The following BTD variants were observed in gnomAD, a reference collection of about 807,000 sequenced individuals.
BTD encodes biotinidase.
BTD carries 13 observed loss-of-function variants against 17.7 expected under a neutral mutation model. The observed-to-expected ratio is 0.74, with a 90% confidence interval of 0.48 to 1.17. The LOEUF is 1.17. Among genes scored for constraint, BTD ranks in the 50% most tolerant of loss-of-function variants. The probability of loss-of-function intolerance (pLI) is 0.00; values close to 1 mark genes in which losing one functional copy is unlikely to be tolerated. For missense variants in BTD, 674 were observed against 650.4 expected (o/e 1.04, Z -0.39); for synonymous variants, 240 against 245.2 (o/e 0.98, Z 0.20).
chr3:15,629,262 G>A (rs1304205962), intron 1 of BTD, among the ~76,000 whole-genome samples: 1 of 152,112 alleles, frequency 6.6e-6, no homozygotes, highest in East Asian at 1.9e-4. Context: ...GGTTCTCCAA[G>A]TGTGACTCAG....
intron 1 of BTD, among the ~76,000 whole-genome samples, chr3:15,634,973 T>C (rs2065304179): frequency 6.6e-6 from 1 of 152,102 alleles, no homozygotes; most frequent in South Asian, 2.1e-4. Flanking sequence ...GCTGTGTTAT[T>C]AGGGTCATGA....
chr3:15,614,184 C>T (rs2064723680), intron 1 of BTD, among the ~76,000 whole-genome samples: 1 of 149,816 alleles, frequency 6.7e-6, no homozygotes, highest in Admixed American at 6.7e-5. Flanking sequence ...AGTACAGTGG[C>T]ACAGCCGTAG....
intron 3 of BTD, among the ~76,000 whole-genome samples, chr3:15,661,293 A>AT (rs2065921748): frequency 2.6e-5 from 3 of 114,600 alleles, no homozygotes; most frequent in Non-Finnish European, 5.4e-5. Context: ...AAAAAAAAAA[A>AT]GAAAAAGAAA....
At chr3:15,636,715 A>G (rs1389765147) in intron 2 of BTD, among the ~76,000 whole-genome samples, 4 of 150,726 alleles carry the variant, frequency 2.7e-5, no homozygotes, top group Non-Finnish European at 5.9e-5. Context: ...AGCCACAGCA[A>G]TTAAAAAATT....
At chr3:15,696,199 C>T (rs1246994579) in intron 3 of BTD, 1 of 1,593,060 alleles carries the variant, frequency 6.3e-7, no homozygotes, top group South Asian at 1.1e-5. Flanking sequence ...CCTTGCTTAT[C>T]ACGGATCCCT....
At chr3:15,606,042 CAAAAAAAAAAA>C (rs11369757) in intron 1 of BTD, among the ~76,000 whole-genome samples, 4 of 64,954 alleles carry the variant, frequency 6.2e-5, no homozygotes, top group African/African-American at 1.2e-4. Context: ...GACCCTGTCT[CAAAAAAAAAAA>C]AAAAAAAAAA....
chr3:15,712,177 G>C (rs779215322), exon 4 of BTD: 2 of 1,585,210 alleles, frequency 1.3e-6, no homozygotes, highest in Non-Finnish European at 1.7e-6. Context: ...CTGAAAAGCC[G>C]CTTAAGGCTG....
chr3:15,688,982 T>G (rs2068470976), intron 3 of BTD, among the ~76,000 whole-genome samples: 1 of 152,222 alleles, frequency 6.6e-6, no homozygotes. Context: ...AAATAAATAC[T>G]GCATTGTTTT....
chr3:15,601,987 C>T, intron 1 of BTD, 93 bp downstream of exon 1: 1 of 1,568,016 alleles, frequency 6.4e-7, no homozygotes, highest in East Asian at 2.3e-5. Flanking sequence ...TTGGGGAGGG[C>T]TGCGCAAAGG....
chr3:15,636,562 A>G (rs1210763524), intron 2 of BTD, among the ~76,000 whole-genome samples: 1 of 152,174 alleles, frequency 6.6e-6, no homozygotes, highest in Non-Finnish European at 1.5e-5. Context: ...CAGCTGCTTG[A>G]GGAAGCCCTG....
exon 4 of BTD, chr3:15,712,298 G>C (rs2072413400): frequency 8.5e-7 from 1 of 1,182,502 alleles, no homozygotes; most frequent in Non-Finnish European, 1.2e-6. Context: ...ATTACAAAGA[G>C]ACCACTTAAG....
chr3:15,654,725 C>A (rs977766187), downstream of BTD, among the ~76,000 whole-genome samples: 4 of 151,550 alleles, frequency 2.6e-5, no homozygotes, highest in African/African-American at 9.7e-5. Context: ...GCATCTGCCA[C>A]CACACTTGGC....
chr3:15,630,289 T>A (rs1049385098), intron 1 of BTD, among the ~76,000 whole-genome samples: 1 of 152,142 alleles, frequency 6.6e-6, no homozygotes, highest in Non-Finnish European at 1.5e-5. Context: ...ATACCTAAGG[T>A]CACATGCGTA....
chr3:15,718,975 A>C (rs1009184404), intron 4 of BTD, among the ~76,000 whole-genome samples: 2 of 152,222 alleles, frequency 1.3e-5, no homozygotes, highest in Admixed American at 1.3e-4. Flanking sequence ...AAAGTGCAGG[A>C]ATTCTTCAAA....
intron 3 of BTD, among the ~76,000 whole-genome samples, chr3:15,642,598 G>C (rs1413735703): frequency 1.3e-5 from 2 of 151,818 alleles, no homozygotes; most frequent in Non-Finnish European, 2.9e-5. Flanking sequence ...GGGACTACAG[G>C]CACCCACCAC....
chr3:15,713,011 G>A (rs1434328490), downstream of BTD, among the ~76,000 whole-genome samples: 2 of 152,030 alleles, frequency 1.3e-5, no homozygotes, highest in African/African-American at 2.4e-5. Flanking sequence ...ATTAGCAGGA[G>A]GACTCATCTT....
rs1165138354 is a variant in BTD at position 15,652,035 on chromosome 3, A to G, written c.*6547A>G. ...ATGTTACTTCTGAAATTGGGTTATAAAAGGTACTGCAGACCGGGCACGGTG... is the reference window on the plus strand; with the variant it reads ...ATGTTACTTCTGAAATTGGGTTATAGAAGGTACTGCAGACCGGGCACGGTG... On this transcript the variant is annotated 3_prime_UTR_variant, in exon 4 of 4. Transcript: ENST00000643237. 6.6e-6 allele frequency among the ~76,000 whole-genome samples: 1 copy of G among 152,182 alleles called. No homozygotes were observed. Among genetic ancestry groups the G allele is most frequent in the African/African-American group, 2.4e-5 (1 of 41,448 alleles).
chr3:15,714,545 A>C (rs1559390723), downstream of BTD: 8 of 1,502,688 alleles, frequency 5.3e-6, no homozygotes, highest in African/African-American at 8.6e-5. Flanking sequence ...AAAAAAAAAA[A>C]AACCCCAAAA....
At chr3:15,718,559 A>G (rs2073339654) in intron 4 of BTD, among the ~76,000 whole-genome samples, 1 of 152,210 alleles carries the variant, frequency 6.6e-6, no homozygotes, top group Non-Finnish European at 1.5e-5. Flanking sequence ...ATAGTCACCT[A>G]AGTAGACACT....
Sources: gnomAD v4.1 joint callset for allele counts (sites outside exome capture counted in the v4.1 genomes callset) on GRCh38, gnomAD v4.1.1 for gene constraint, MANE v1.5 for transcripts, NCBI Gene and HGNC (gene_info 2026-07-23, HGNC 2026-07-21) for gene names.